Variants in CRTC3 observed in about 807,000 individuals in gnomAD.
CRTC3 encodes CREB-regulated transcription coactivator 3.
CRTC3 carries 26 observed loss-of-function variants against 74.5 expected under a neutral mutation model. That is an observed-to-expected ratio of 0.35 (90% CI 0.26 to 0.48). The LOEUF is 0.48. Ranked by LOEUF, CRTC3 falls within the 20% of genes least tolerant of loss-of-function variation. The pLI is 0.99. For missense variants in CRTC3, 760 were observed against 787.3 expected, an observed-to-expected ratio of 0.97 and a Z score of 0.41; for synonymous variants, 377 against 325.8, an observed-to-expected ratio of 1.16 and a Z score of -1.69.
chr15:90,644,500 G>A lies in CRTC3; in HGVS notation c.*2360G>A. On this transcript the variant is annotated 3_prime_UTR_variant, in exon 15 of 15. Transcript: ENST00000268184. ...CAACAGAGACCCCAAGACCTACACA[G>A]TGAACCCTACTGCCCCAAAGGCGTT... 1 of 232,556 alleles carries A rather than the reference G, an allele frequency of 4.3e-6. No homozygotes were observed. The highest frequency in any genetic ancestry group is 8.5e-6 in the Non-Finnish European group (1 of 117,584). 14.4% of individuals were successfully genotyped at this position (232,556 alleles called of 1,614,324 possible). A position where few individuals can be genotyped will look rare whatever the true frequency, so the allele number is the denominator to read the frequency against.
rs74409574 is a variant in CRTC3, at chr15:90,584,804, C to T, written c.232-8832C>T. 5.8e-3 allele frequency among the ~76,000 whole-genome samples: 883 copies of T among 152,164 alleles called. 10 individuals are homozygous for T. Among genetic ancestry groups the T allele is most frequent in the Admixed American group, 0.011 (175 of 15,292 alleles). On this transcript the variant is annotated intron_variant, in intron 2 of 14. Transcript: ENST00000268184. ...TATCTAGTGTCTCTACTACCAGCTA[C>T]GTTTCCAACCAGTCTCCTCTCCTAC...
chr15:90,574,307 T>C (rs1967348147), intron 2 of CRTC3, among the ~76,000 whole-genome samples: 1 of 152,046 alleles, frequency 6.6e-6, no homozygotes, highest in Admixed American at 6.6e-5. Context: ...TGAAACCCTG[T>C]CTCTACTAAA....
At chr15:90,613,147 C>T (rs1336730466) in intron 6 of CRTC3, among the ~76,000 whole-genome samples, 1 of 148,404 alleles carries the variant, frequency 6.7e-6, no homozygotes, top group Non-Finnish European at 1.5e-5. Flanking sequence ...CACGCCACCG[C>T]ACTCCAGCCT....
intron 2 of CRTC3, among the ~76,000 whole-genome samples, chr15:90,542,576 T>C (rs913886038): frequency 6.6e-6 from 1 of 152,192 alleles, no homozygotes; most frequent in African/African-American, 2.4e-5. Context: ...AAGACGTTGT[T>C]CTATATAACC....
intron 6 of CRTC3, among the ~76,000 whole-genome samples, chr15:90,611,224 C>T (rs1356467105): frequency 2.6e-5 from 4 of 152,106 alleles, no homozygotes. Flanking sequence ...GGGTCTTCCC[C>T]TTGCCTTCCC....
intron 2 of CRTC3, among the ~76,000 whole-genome samples, chr15:90,556,800 T>G (rs1436328141): frequency 6.6e-6 from 1 of 152,072 alleles, no homozygotes; most frequent in Non-Finnish European, 1.5e-5. Context: ...ATAGATACTT[T>G]CATATTAAAA....
intron 4 of CRTC3, chr15:90,604,140 C>G (rs1385160713): frequency 4.7e-6 from 2 of 427,302 alleles, no homozygotes; most frequent in Non-Finnish European, 8.7e-6. Flanking sequence ...CTAGCTAATC[C>G]TGTGCCTTAT....
intron 6 of CRTC3, among the ~76,000 whole-genome samples, chr15:90,612,247 T>C (rs1361567022): frequency 1.3e-5 from 2 of 152,026 alleles, no homozygotes; most frequent in Non-Finnish European, 1.5e-5. Flanking sequence ...CAGTGTGATC[T>C]TGGGGATGAT....
At chr15:90,591,100 G>A (rs1026679826) in intron 2 of CRTC3, among the ~76,000 whole-genome samples, 31 of 150,706 alleles carry the variant, frequency 2.1e-4, no homozygotes, top group Admixed American at 1.9e-3. Context: ...GACTACAGGT[G>A]GGCACCACCA....
At chr15:90,561,283 A>G (rs956293958) in intron 2 of CRTC3, among the ~76,000 whole-genome samples, 1 of 152,206 alleles carries the variant, frequency 6.6e-6, no homozygotes, top group African/African-American at 2.4e-5. Context: ...GATTGTTGGT[A>G]CCATTTGCCT....
At chr15:90,641,374 G>T (rs554415911) in intron 14 of CRTC3, 175 bp downstream of exon 14, 44 of 587,584 alleles carry the variant, frequency 7.5e-5, no homozygotes, top group South Asian at 7.2e-4. Context: ...GACACAGGGC[G>T]GTGGGCCTGG....
chr15:90,602,998 A>G (rs1205942561), intron 4 of CRTC3, among the ~76,000 whole-genome samples: 1 of 151,992 alleles, frequency 6.6e-6, no homozygotes, highest in Non-Finnish European at 1.5e-5. Context: ...ACACCTAAGC[A>G]TTTCCAATGA....
chr15:90,559,898 C>T lies in CRTC3; in HGVS notation c.231+19761C>T, dbSNP rs865809122. On this transcript the variant is annotated intron_variant, in intron 2 of 14. Coordinates refer to ENST00000268184, the MANE Select transcript of CRTC3 (RefSeq NM_022769.5). ...GTGCAAGTGATCCATCCGCCTTGGC[C>T]TCCCAAAGTGTTGGGATTACAGGCG... is the stretch of plus-strand genomic sequence containing the variant. Among the ~76,000 whole-genome samples, 56 of 152,380 alleles carry T rather than the reference C, an allele frequency of 3.7e-4. No individual in the cohort carries two copies. The Middle Eastern group carries it at 0.014, about 37-fold the overall frequency.
rs143996892 is a variant in CRTC3, at chr15:90,582,698, A to G, written c.232-10938A>G. ...ACTTCTAATGTTTTCCCCATACCCT[A>G]TGCCATCCTGTAAATCCCCTGGGGG... On this transcript the variant is annotated intron_variant, in intron 2 of 14. Transcript: ENST00000268184. Among the ~76,000 whole-genome samples the G allele has an allele frequency of 7.9e-4, 121 of 152,360 alleles. 1 individual carries two copies. The highest frequency in any genetic ancestry group is 2.9e-3 in the African/African-American group (121 of 41,584).
In CRTC3 at chr15:90,642,053, C is replaced by A. The variant is rs1969467346; in HGVS notation, c.1773C>A (p.Ser591Arg). Reference protein sequence around the residue: ...LEEELQIEPLSLDGLNMLSDS... With the variant: ...LEEELQIEPLRLDGLNMLSDS... ...AGGAGCTGCAGATTGAACCCCTGAG[C>A]CTGGACGGACTCAACATGTTAAGTG... is the stretch of plus-strand genomic sequence containing the variant. The change falls in exon 15 of 15, where the codon AGC (serine) becomes AGA (arginine). Residue 591 changes from serine (S) to arginine (R), a missense_variant. This residue lies in a region of CRTC3 where 652 missense variants were observed against 635.2 expected (regional missense o/e 1.03). Coordinates refer to ENST00000268184, the MANE Select transcript of CRTC3 (RefSeq NM_022769.5). The A allele has an allele frequency of 3.7e-6, 6 of 1,614,012 alleles. No individual in the cohort carries two copies. The East Asian group carries it at 1.1e-4, about 30-fold the overall frequency.
At chr15:90,617,164 T>C (rs931577394) in intron 7 of CRTC3, among the ~76,000 whole-genome samples, 7 of 152,184 alleles carry the variant, frequency 4.6e-5, no homozygotes, top group African/African-American at 1.7e-4. Flanking sequence ...CCTGTGTCTC[T>C]AAAGGGCTCC....
chr15:90,548,504 T>C (rs1403714575), intron 2 of CRTC3, among the ~76,000 whole-genome samples: 2 of 152,216 alleles, frequency 1.3e-5, no homozygotes, highest in African/African-American at 4.8e-5. Context: ...TTAAAAATCA[T>C]GTCTTTGACT....
chr15:90,635,861 A>T (rs921326847), intron 11 of CRTC3, among the ~76,000 whole-genome samples: 1 of 152,124 alleles, frequency 6.6e-6, no homozygotes, highest in South Asian at 2.1e-4. Context: ...GATGTGAAGG[A>T]CCTCTTCAAG....
chr15:90,602,740 C>T (rs1490531113), intron 4 of CRTC3, among the ~76,000 whole-genome samples: 2 of 152,138 alleles, frequency 1.3e-5, no homozygotes, highest in African/African-American at 4.8e-5. Context: ...CTTTGGGAGG[C>T]TGAGGCGGGC....
Sources: allele counts gnomAD v4.1 joint callset (sites outside exome capture counted in the v4.1 genomes callset), GRCh38; gene constraint gnomAD v4.1.1; regional missense constraint gnomAD v4.1.1; transcripts MANE v1.5; gene names NCBI Gene and HGNC (gene_info 2026-07-23, HGNC 2026-07-21).